Variants in BMP2K observed in about 807,000 individuals in gnomAD.
BMP2K encodes BMP-2-inducible protein kinase.
In BMP2K, 74 loss-of-function variants were observed where a neutral mutation model predicts 116.0. The observed-to-expected ratio is 0.64, with a 90% CI of 0.53 to 0.77. The LOEUF (loss-of-function observed/expected upper bound fraction) is 0.77, where lower values mean the gene tolerates loss of function less well. Ranked by LOEUF, BMP2K falls within the 30% of genes least tolerant of loss-of-function variation. The pLI is 0.00. For missense variants in BMP2K, 1,365 were observed against 1,403.6 expected (o/e 0.97, Z 0.44); for synonymous variants, 486 against 502.5 (o/e 0.97, Z 0.44).
intron 14 of BMP2K, 165 bp from the exon 15 acceptor site, chr4:78,887,009 T>A (rs1733129330): frequency 1.9e-6 from 1 of 539,598 alleles, no homozygotes. Context: ...TGTATTAAAT[T>A]CAGGACTACT....
intron 1 of BMP2K, among the ~76,000 whole-genome samples, chr4:78,815,376 C>G (rs1418370299): frequency 6.6e-6 from 1 of 151,914 alleles, no homozygotes; most frequent in Non-Finnish European, 1.5e-5. Flanking sequence ...ACATGAAAAC[C>G]CATAAAATAT....
chr4:78,786,405 ATGTG>A (rs34288286), intron 1 of BMP2K, among the ~76,000 whole-genome samples: 24,642 of 134,024 alleles, frequency 0.18, 2,119 homozygotes, highest in South Asian at 0.26. Flanking sequence ...AAGCCACCCA[ATGTG>A]TGTGTGTGTG....
rs995387404 is a variant in BMP2K, at chr4:78,849,221, A to G, written c.751-1703A>G. The stretch of plus-strand genomic sequence containing the variant: ...AATAGGTAACATAAAGAAATGCTTT[A>G]TGTTACCTATTAATGAAGAAAATTG... On this transcript the variant is annotated intron_variant, in intron 6 of 15. Transcript: ENST00000502613. Among the ~76,000 whole-genome samples the G allele has an allele frequency of 4.0e-5, 6 of 151,272 alleles. No individual in the cohort carries two copies. In the East Asian group the frequency reaches 5.8e-4, roughly 15 times the overall value.
chr4:78,844,963 T>C lies in BMP2K; in HGVS notation c.582T>C (p.Tyr194=), dbSNP rs1393439612. 6.3e-6 allele frequency: 10 copies of C among 1,599,838 alleles called. No individual in the cohort carries two copies. In the East Asian group the frequency reaches 2.2e-4, roughly 36 times the overall value. ...TTTTGTTGAATGATGGTGGGAACTA[T>C]GTACTTTGTGACTTTGGCAGTGCCA... ...ENILLNDGGN[Y]VLCDFGSATN... is the part of the protein sequence containing the mutation. Residue 194 remains tyrosine, a synonymous_variant, in exon 5 of 16, where the codon TAT becomes TAC. Coordinates refer to ENST00000502613, the MANE Select transcript of BMP2K (RefSeq NM_198892.2).
intron 15 of BMP2K, among the ~76,000 whole-genome samples, chr4:78,889,939 A>C (rs1733340035): frequency 6.6e-6 from 1 of 152,210 alleles, no homozygotes; most frequent in African/African-American, 2.4e-5. Context: ...TTCATTTAAG[A>C]ACCACTGTCC....
chr4:78,860,124 G>T lies in BMP2K; in HGVS notation c.987+437G>T, dbSNP rs766851441. On this transcript the variant is annotated intron_variant, in intron 8 of 15. Transcript: ENST00000502613. Reference sequence around the variant, plus strand: ...GTATAAAGAGCACAGGCCTTGTTAAGTGGGAACTAAACAATGTGTACGCAT... The same window carrying T: ...GTATAAAGAGCACAGGCCTTGTTAATTGGGAACTAAACAATGTGTACGCAT... 4 of 496,502 alleles carry T rather than the reference G, an allele frequency of 8.1e-6. No homozygotes were observed. The Admixed American group carries it at 8.9e-5, about 11-fold the overall frequency. 30.8% of individuals were successfully genotyped at this position (496,502 alleles called of 1,614,324 possible). A position where few individuals can be genotyped will look rare whatever the true frequency, so the allele number is the denominator to read the frequency against.
chr4:78,875,511 C>T (rs1455703543), intron 13 of BMP2K, among the ~76,000 whole-genome samples: 1 of 152,256 alleles, frequency 6.6e-6, no homozygotes, highest in Middle Eastern at 3.4e-3. Flanking sequence ...CATACGTTAT[C>T]TTCTTATGAT....
chr4:78,845,822 A>G (rs558166009), intron 5 of BMP2K, among the ~76,000 whole-genome samples: 3 of 151,658 alleles, frequency 2.0e-5, no homozygotes, highest in African/African-American at 7.2e-5. Context: ...TTTGAACTGC[A>G]ATATTTTGAA....
At chr4:78,910,039 TAC>T (rs1734499878) in intron 15 of BMP2K, among the ~76,000 whole-genome samples, 2 of 152,214 alleles carry the variant, frequency 1.3e-5, no homozygotes, top group East Asian at 1.9e-4. Flanking sequence ...ATGTTTTTGG[TAC>T]AGTCTCCATT....
At chr4:78,829,827 C>CTT (rs1358688726) in intron 2 of BMP2K, among the ~76,000 whole-genome samples, 1 of 139,956 alleles carries the variant, frequency 7.1e-6, no homozygotes, top group African/African-American at 3.0e-5. Flanking sequence ...CTTCTCTTCT[C>CTT]TTCTCTTCTC....
intron 13 of BMP2K, among the ~76,000 whole-genome samples, chr4:78,876,939 C>T (rs537907774): frequency 6.6e-6 from 1 of 152,226 alleles, no homozygotes; most frequent in South Asian, 2.1e-4. Flanking sequence ...CGCTACAAAC[C>T]TGTATAGCAT....
intron 2 of BMP2K, among the ~76,000 whole-genome samples, chr4:78,829,796 T>TCTTCTCTTCTCTTCC (rs1730103818): frequency 1.2e-5 from 1 of 84,890 alleles, no homozygotes. Context: ...TTTTCTCTTC[T>TCTTCTCTTCTCTTCC]CTTCTCTTCT....
At chr4:78,860,337 A>G (rs1479041639) in intron 8 of BMP2K, among the ~76,000 whole-genome samples, 3 of 151,840 alleles carry the variant, frequency 2.0e-5, no homozygotes. Context: ...ACTACAAAAA[A>G]GTTTTTTTTT....
In BMP2K at chr4:78,776,516, C is replaced by T. The variant is rs1727241392; in HGVS notation, c.-28C>T. Reference sequence around the variant, plus strand: ...CCGGGGACTTGCCCTTGCACGCTCCCTGCGCCCTCCAGCTCGCCGGCGGGA... The same window carrying T: ...CCGGGGACTTGCCCTTGCACGCTCCTTGCGCCCTCCAGCTCGCCGGCGGGA... On this transcript the variant is annotated 5_prime_UTR_variant, in exon 1 of 16. Transcript: ENST00000502613. 2.6e-6 allele frequency: 3 copies of T among 1,134,012 alleles called. No homozygotes were observed. Among genetic ancestry groups the T allele is most frequent in the African/African-American group, 1.7e-5 (1 of 60,586 alleles). The allele number at this position is 1,134,012 out of a possible 1,614,324, so 70.2% of individuals were successfully genotyped here.
At chr4:78,860,165 A>T in intron 8 of BMP2K, 1 of 450,638 alleles carries the variant, frequency 2.2e-6, no homozygotes, top group Admixed American at 2.8e-5. Context: ...TAGACAGTGG[A>T]GTAATAGACA....
chr4:78,909,161 C>T (rs565136083), intron 15 of BMP2K, among the ~76,000 whole-genome samples: 7 of 147,640 alleles, frequency 4.7e-5, no homozygotes, highest in Non-Finnish European at 1.0e-4. Context: ...CAGTTTCAAG[C>T]GATTCTCCTG....
At chr4:78,822,036 A>G (rs1367756067) in intron 1 of BMP2K, among the ~76,000 whole-genome samples, 1 of 152,208 alleles carries the variant, frequency 6.6e-6, no homozygotes, top group South Asian at 2.1e-4. Flanking sequence ...TATAGTTATT[A>G]CAGAGACTTG....
intron 1 of BMP2K, among the ~76,000 whole-genome samples, chr4:78,809,395 T>C (rs1259312575): frequency 6.6e-6 from 1 of 152,114 alleles, no homozygotes; most frequent in Non-Finnish European, 1.5e-5. Flanking sequence ...TATTTTTTCT[T>C]GAGACAGGGT....
intron 1 of BMP2K, among the ~76,000 whole-genome samples, chr4:78,813,993 A>G (rs1028501028): frequency 6.6e-6 from 1 of 152,240 alleles, no homozygotes; most frequent in African/African-American, 2.4e-5. Context: ...GAATAAATGA[A>G]TTACTAAATG....
Sources: gnomAD v4.1 joint callset for allele counts (sites outside exome capture counted in the v4.1 genomes callset) on GRCh38, gnomAD v4.1.1 for gene constraint, MANE v1.5 for transcripts, NCBI Gene and HGNC (gene_info 2026-07-23, HGNC 2026-07-21) for gene names.